Variants in LEKR1 observed in about 807,000 individuals in gnomAD.
LEKR1 encodes leucine, glutamate and lysine rich 1.
LEKR1 carries 59 observed loss-of-function variants against 72.4 expected under a neutral mutation model. The observed-to-expected ratio is 0.82, with a 90% CI of 0.66 to 1.01. The LOEUF (loss-of-function observed/expected upper bound fraction) is 1.01. Ranked by LOEUF, LEKR1 falls within the 50% of genes least tolerant of loss-of-function variation. The probability of loss-of-function intolerance (pLI) is 0.00; values close to 1 mark genes in which losing one functional copy is unlikely to be tolerated. For synonymous variants in LEKR1, 257 were observed against 263.2 expected (o/e 0.98, Z 0.23); for missense variants, 728 against 759.2 (o/e 0.96, Z 0.48).
At chr3:156,952,946 G>C (rs1560104363) in intron 6 of LEKR1, among the ~76,000 whole-genome samples, 1 of 151,362 alleles carries the variant, frequency 6.6e-6, no homozygotes, top group African/African-American at 2.4e-5. Context: ...AAACTATATT[G>C]TCAAACAAAG....
chr3:156,891,720 A>G (rs564150653), intron 3 of LEKR1, among the ~76,000 whole-genome samples: 1 of 152,300 alleles, frequency 6.6e-6, no homozygotes, highest in East Asian at 1.9e-4. Context: ...CTGAAGCCTT[A>G]AGTACTATAT....
intron 3 of LEKR1, among the ~76,000 whole-genome samples, chr3:156,915,219 A>G (rs1723515324): frequency 6.6e-6 from 1 of 152,080 alleles, no homozygotes; most frequent in South Asian, 2.1e-4. Context: ...GAACATACGC[A>G]TGCAAATGTC....
chr3:156,857,896 G>A (rs1219538176), intron 3 of LEKR1, among the ~76,000 whole-genome samples: 3 of 152,140 alleles, frequency 2.0e-5, no homozygotes. Context: ...AAGTTAAGAA[G>A]GCTTTTGGCT....
intron 3 of LEKR1, among the ~76,000 whole-genome samples, chr3:156,863,634 T>C (rs1717003317): frequency 6.6e-6 from 1 of 152,090 alleles, no homozygotes; most frequent in Non-Finnish European, 1.5e-5. Flanking sequence ...TAAAGTATGA[T>C]CCACAACTCT....
Position 157,046,088 on chromosome 3 carries a change from A to C in LEKR1, c.*338A>C, listed in dbSNP as rs1735733172. The C allele has an allele frequency of 4.8e-6, 1 of 210,182 alleles. No individual in the cohort carries two copies. The highest frequency in any genetic ancestry group is 2.3e-5 in the African/African-American group (1 of 43,374). 13.0% of individuals were successfully genotyped at this position (210,182 alleles called of 1,614,324 possible). On this transcript the variant is annotated 3_prime_UTR_variant, in exon 13 of 13. Transcript: ENST00000356539. ...TCTTTTCAATTTCTTGCGCCACTACAAGCAGATATATTTCCACAAAAAAAT... is the reference window on the plus strand; with the variant it reads ...TCTTTTCAATTTCTTGCGCCACTACCAGCAGATATATTTCCACAAAAAAAT...
intron 12 of LEKR1, among the ~76,000 whole-genome samples, chr3:157,039,193 CAG>C (rs948658152): frequency 1.4e-4 from 21 of 152,310 alleles, no homozygotes; most frequent in African/African-American, 4.8e-4. Flanking sequence ...AAGAGATAGA[CAG>C]GGGTTTTACT....
chr3:156,980,261 A>G lies in LEKR1; in HGVS notation c.827+986A>G, dbSNP rs185509158. 1.2e-3 allele frequency among the ~76,000 whole-genome samples: 188 copies of G among 152,356 alleles called. 1 individual carries two copies. The highest frequency in any genetic ancestry group is 4.3e-3 in the African/African-American group (177 of 41,590). On this transcript the variant is annotated intron_variant, in intron 7 of 12. Transcript: ENST00000356539. ...TTTGTGTTGACCATGAACTACTCCTAAAATCAATGTGTTTAATAAAATACT... is the reference window on the plus strand; with the variant it reads ...TTTGTGTTGACCATGAACTACTCCTGAAATCAATGTGTTTAATAAAATACT...
chr3:156,847,582 T>G (rs1356199298), intron 2 of LEKR1, among the ~76,000 whole-genome samples: 2 of 152,236 alleles, frequency 1.3e-5, no homozygotes, highest in Non-Finnish European at 1.5e-5. Context: ...TTCACAAAAA[T>G]GCCCTAAGTA....
chr3:156,974,334 A>T (rs187248281), intron 6 of LEKR1, among the ~76,000 whole-genome samples: 1 of 152,264 alleles, frequency 6.6e-6, no homozygotes, highest in Admixed American at 6.6e-5. Flanking sequence ...AAAACGAATA[A>T]TTTTTTCACA....
At chr3:156,986,554 A>G (rs887312557) in intron 7 of LEKR1, among the ~76,000 whole-genome samples, 1 of 152,226 alleles carries the variant, frequency 6.6e-6, no homozygotes, top group African/African-American at 2.4e-5. Context: ...ACGAAAGAAT[A>G]AAGACGGGCT....
chr3:157,045,566 A>G lies in LEKR1; in HGVS notation c.1895A>G (p.Gln632Arg), dbSNP rs750484482. Residue 632 changes from glutamine (Q) to arginine (R), a missense_variant, in exon 13 of 13, where the codon CAA (glutamine) becomes CGA (arginine). By Grantham distance (43) the Gln-to-Arg change is conservative. Coordinates refer to ENST00000356539, the MANE Select transcript of LEKR1 (RefSeq NM_001004316.3). Reference sequence around the variant, plus strand: ...AGACTGAACTCTGAAAAAGGAATCCAAATTCCCAACCTGCGCGGGGTGTCA... The same window carrying G: ...AGACTGAACTCTGAAAAAGGAATCCGAATTCCCAACCTGCGCGGGGTGTCA... ...LARLNSEKGIQIPNLRGVSKP... is the reference protein window; with the variant it reads ...LARLNSEKGIRIPNLRGVSKP... The G allele has an allele frequency of 2.5e-6, 4 of 1,614,032 alleles. No individual in the cohort carries two copies. The East Asian group carries it at 8.9e-5, about 36-fold the overall frequency.
chr3:157,034,859 C>G (rs920738355), intron 12 of LEKR1, among the ~76,000 whole-genome samples: 2 of 152,064 alleles, frequency 1.3e-5, no homozygotes, highest in Non-Finnish European at 2.9e-5. Context: ...GTTGCCCAGG[C>G]TGGAGTGCAG....
chr3:156,826,636 G>A, intron 1 of LEKR1: 1 of 155,798 alleles, frequency 6.4e-6, no homozygotes, highest in South Asian at 2.0e-4. Context: ...CCTCACCCCC[G>A]CACCCTCCTC....
At chr3:156,906,382 G>T (rs180910675) in intron 3 of LEKR1, among the ~76,000 whole-genome samples, 2 of 152,250 alleles carry the variant, frequency 1.3e-5, no homozygotes, top group African/African-American at 4.8e-5. Context: ...TTGTTCTCAT[G>T]GTTGCATTGG....
chr3:156,873,467 G>T (rs1718201987), intron 3 of LEKR1, among the ~76,000 whole-genome samples: 1 of 151,860 alleles, frequency 6.6e-6, no homozygotes, highest in Non-Finnish European at 1.5e-5. Context: ...TTTCTGGTTG[G>T]TTTGTATATC....
At chr3:156,932,165 T>C (rs1404954772) in intron 5 of LEKR1, among the ~76,000 whole-genome samples, 2 of 152,190 alleles carry the variant, frequency 1.3e-5, no homozygotes, top group Non-Finnish European at 2.9e-5. Context: ...ATATTAATTG[T>C]AGAATCTAAG....
In LEKR1 at chr3:157,037,094, G is replaced by A. The variant is rs183992932; in HGVS notation, c.1669-8246G>A. 6.1e-3 allele frequency among the ~76,000 whole-genome samples: 929 copies of A among 152,230 alleles called. 4 individuals are homozygous for A. The highest frequency in any genetic ancestry group is 6.8e-3 in the Non-Finnish European group (463 of 67,994). On this transcript the variant is annotated intron_variant, in intron 12 of 12. Coordinates refer to ENST00000356539, the MANE Select transcript of LEKR1 (RefSeq NM_001004316.3). ...GATAGGAGGAGGAGCAGCATCTGTT[G>A]GGAATTGGTATAGGAAGCTGAACCC... is the stretch of plus-strand genomic sequence containing the variant.
At chr3:156,980,503 G>T (rs1353265151) in intron 7 of LEKR1, among the ~76,000 whole-genome samples, 1 of 152,028 alleles carries the variant, frequency 6.6e-6, no homozygotes, top group Non-Finnish European at 1.5e-5. Flanking sequence ...GACCCCCTAG[G>T]CCCAGGAAGT....
chr3:157,022,764 C>G (rs748309051), intron 10 of LEKR1, among the ~76,000 whole-genome samples: 2 of 152,078 alleles, frequency 1.3e-5, no homozygotes, highest in African/African-American at 4.8e-5. Context: ...TCTGAGTGCC[C>G]CCTGAGACTT....
Sources: gnomAD v4.1 joint callset for allele counts (sites outside exome capture counted in the v4.1 genomes callset) on GRCh38, gnomAD v4.1.1 for gene constraint, MANE v1.5 for transcripts, NCBI Gene and HGNC (gene_info 2026-07-23, HGNC 2026-07-21) for gene names.